The following DMD variants were observed in gnomAD, a reference collection of about 807,000 sequenced individuals.
The protein encoded by DMD is dystrophin, also known as mutant dystrophin.
In DMD, 63 loss-of-function variants were observed where a neutral mutation model predicts 330.1. The observed-to-expected ratio is 0.19, with a 90% CI of 0.16 to 0.24. The LOEUF (loss-of-function observed/expected upper bound fraction) is 0.24, where lower values mean the gene tolerates loss of function less well. DMD is among the 10% of genes least tolerant of loss of function. DMD has a pLI of 1.00. For synonymous variants in DMD, 1,223 were observed against 959.8 expected (o/e 1.27, Z -5.07); for missense variants, 3,344 against 2,684.1 (o/e 1.25, Z -5.43).
At chrX:32,633,594 T>C (rs1481063670) in intron 11 of DMD, among the ~76,000 whole-genome samples, 1 of 112,177 alleles carries the variant, frequency 8.9e-6, no homozygotes, top group East Asian at 2.8e-4. Context: ...GGTAACAATT[T>C]TCTGTACTAG....
intron 43 of DMD, among the ~76,000 whole-genome samples, chrX:32,280,006 C>T (rs775328467): frequency 2.8e-4 from 19 of 66,988 alleles, no homozygotes; most frequent in Non-Finnish European, 3.8e-4. Context: ...ATGTACCCCA[C>T]ATATATATAT....
chrX:31,419,827 G>A (rs937878271), intron 60 of DMD, among the ~76,000 whole-genome samples: 1 of 112,018 alleles, frequency 8.9e-6, no homozygotes, highest in African/African-American at 3.2e-5. Context: ...CATTGGCATA[G>A]CTTACAGAAC....
At chrX:31,504,729 A>T (rs2070759067) in intron 56 of DMD, among the ~76,000 whole-genome samples, 1 of 111,958 alleles carries the variant, frequency 8.9e-6, no homozygotes, top group African/African-American at 3.2e-5. Context: ...CTGTAGATTG[A>T]TCAATACCCT....
At chrX:32,884,597 G>A (rs147200955) in intron 2 of DMD, among the ~76,000 whole-genome samples, 1 of 111,754 alleles carries the variant, frequency 8.9e-6, no homozygotes, top group Non-Finnish European at 1.9e-5. Flanking sequence ...TGCTGGAATT[G>A]GAACCAGGAC....
At chrX:32,721,059 T>A (rs765915987) in intron 7 of DMD, among the ~76,000 whole-genome samples, 2 of 109,117 alleles carry the variant, frequency 1.8e-5, no homozygotes, top group Non-Finnish European at 3.8e-5. Context: ...TTTGTGAGGC[T>A]GAATATTTGT....
intron 44 of DMD, among the ~76,000 whole-genome samples, chrX:32,116,738 G>T (rs2096612443): frequency 8.9e-6 from 1 of 112,348 alleles, no homozygotes; most frequent in African/African-American, 3.2e-5. Context: ...GAGATGAGAA[G>T]TTGTCGCTGG....
intron 1 of DMD, among the ~76,000 whole-genome samples, chrX:33,254,034 T>C (rs1375150156): frequency 9.0e-6 from 1 of 111,021 alleles, no homozygotes; most frequent in African/African-American, 3.3e-5. Flanking sequence ...TATATATAAG[T>C]ACATATTATT....
At chrX:32,613,096 C>G (rs1397865076) in intron 12 of DMD, among the ~76,000 whole-genome samples, 2 of 111,789 alleles carry the variant, frequency 1.8e-5, no homozygotes, top group Non-Finnish European at 1.9e-5. Flanking sequence ...AACCACAGAT[C>G]ATAAGTAGAG....
At chrX:32,379,398 G>A (rs1315184114) in intron 34 of DMD, among the ~76,000 whole-genome samples, 1 of 110,702 alleles carries the variant, frequency 9.0e-6, no homozygotes, top group Non-Finnish European at 1.9e-5. Context: ...TGAGGCTAAT[G>A]CAAAAATACC....
chrX:31,768,477 C>T (rs2090141856), intron 51 of DMD, among the ~76,000 whole-genome samples: 1 of 109,144 alleles, frequency 9.2e-6, no homozygotes, highest in Non-Finnish European at 1.9e-5. Flanking sequence ...TTCCTCTCTT[C>T]CTTCTTTTTT....
intron 21 of DMD, among the ~76,000 whole-genome samples, chrX:32,481,929 ACT>A (rs1177960149): frequency 3.6e-5 from 4 of 111,819 alleles, no homozygotes; most frequent in Admixed American, 9.6e-5. Context: ...AGTGAGCAAG[ACT>A]CTGTTCTGAA....
chrX:32,805,617 C>A (rs923659965), intron 7 of DMD, among the ~76,000 whole-genome samples: 1 of 110,804 alleles, frequency 9.0e-6, no homozygotes, highest in African/African-American at 3.3e-5. Context: ...AAAAGAGCAA[C>A]CCCAAGACAC....
chrX:32,667,523 T>C (rs2061378371), intron 9 of DMD, among the ~76,000 whole-genome samples: 1 of 111,580 alleles, frequency 9.0e-6, no homozygotes, highest in African/African-American at 3.3e-5. Flanking sequence ...TCATATTTCA[T>C]TGGACCTTAA....
chrX:32,737,901 A>G (rs1306124557), intron 7 of DMD, among the ~76,000 whole-genome samples: 1 of 112,249 alleles, frequency 8.9e-6, no homozygotes, highest in Non-Finnish European at 1.9e-5. Context: ...AAATAAACTT[A>G]TAACTGACAA....
intron 4 of DMD, among the ~76,000 whole-genome samples, chrX:32,841,243 A>C (rs1358219987): frequency 8.9e-6 from 1 of 111,993 alleles, no homozygotes; most frequent in East Asian, 2.8e-4. Context: ...AAAATTTAAA[A>C]AAAAAATCAA....
chrX:32,189,218 A>C (rs1452137619), intron 44 of DMD, among the ~76,000 whole-genome samples: 2 of 110,343 alleles, frequency 1.8e-5, no homozygotes, highest in African/African-American at 6.6e-5. Context: ...GGTTATCATT[A>C]CTATTATTAT....
At chrX:31,427,173 A>G (rs774255739) in intron 60 of DMD, among the ~76,000 whole-genome samples, 3 of 111,696 alleles carry the variant, frequency 2.7e-5, no homozygotes, top group Non-Finnish European at 5.6e-5. Context: ...CTTCCCCACC[A>G]TATACCCGAT....
intron 1 of DMD, among the ~76,000 whole-genome samples, chrX:33,236,581 A>T (rs754659658): frequency 9.0e-6 from 1 of 110,887 alleles, no homozygotes; most frequent in East Asian, 2.9e-4. Context: ...TCCTCTTTCA[A>T]GTTGTTTCCT....
chrX:32,764,940 C>G (rs908034447), intron 7 of DMD, among the ~76,000 whole-genome samples: 3 of 100,474 alleles, frequency 3.0e-5, no homozygotes, highest in African/African-American at 1.2e-4. Context: ...ACATCCTCAA[C>G]CATATTTATT....
Sources: allele counts gnomAD v4.1 joint callset (sites outside exome capture counted in the v4.1 genomes callset), GRCh38; gene constraint gnomAD v4.1.1; transcripts MANE v1.5; gene names NCBI Gene and HGNC (gene_info 2026-07-23, HGNC 2026-07-21).